TTC28: variants seen among roughly 807,000 people sequenced by gnomAD.
The protein encoded by TTC28 is tetratricopeptide repeat domain 28.
A neutral mutation model predicts 198.0 loss-of-function variants in TTC28; 61 were observed. The ratio of observed to expected loss-of-function variants is 0.31; its 90% CI spans 0.25 to 0.38. The LOEUF (loss-of-function observed/expected upper bound fraction) is 0.38. Among genes scored for constraint, TTC28 ranks in the 10% least tolerant of loss-of-function variants. The probability of loss-of-function intolerance (pLI) is 1.00; values close to 1 mark genes in which losing one functional copy is unlikely to be tolerated. For synonymous variants in TTC28, 1,171 were observed against 1,297.8 expected (o/e 0.90, Z 2.10); for missense variants, 2,678 against 3,164.0 (o/e 0.85, Z 3.69).
chr22:28,419,140 A>G (rs1030740695), intron 2 of TTC28, among the ~76,000 whole-genome samples: 1 of 152,192 alleles, frequency 6.6e-6, no homozygotes, highest in Non-Finnish European at 1.5e-5. Flanking sequence ...AACCCCTATT[A>G]CATAAGGAAT....
At chr22:28,577,903 T>C (rs2050176235) in intron 2 of TTC28, among the ~76,000 whole-genome samples, 1 of 152,144 alleles carries the variant, frequency 6.6e-6, no homozygotes, top group African/African-American at 2.4e-5. Context: ...TGGTGTCTTG[T>C]TTTTTATCCA....
intron 5 of TTC28, among the ~76,000 whole-genome samples, chr22:28,191,722 G>C (rs1454365884): frequency 6.6e-6 from 1 of 152,220 alleles, no homozygotes; most frequent in Non-Finnish European, 1.5e-5. Context: ...CAAATTGCAA[G>C]GTGGAAGCGA....
intron 12 of TTC28, among the ~76,000 whole-genome samples, chr22:28,065,098 C>A (rs1057052629): frequency 6.6e-6 from 1 of 152,178 alleles, no homozygotes. Flanking sequence ...CCAGGCCACA[C>A]CCCTTGCATA....
intron 2 of TTC28, among the ~76,000 whole-genome samples, chr22:28,592,730 C>A (rs1272062934): frequency 6.6e-6 from 1 of 152,130 alleles, no homozygotes; most frequent in Non-Finnish European, 1.5e-5. Context: ...CCTTCATTGG[C>A]TTTTAGGACA....
intron 2 of TTC28, among the ~76,000 whole-genome samples, chr22:28,548,029 T>A (rs922211021): frequency 9.2e-5 from 14 of 152,108 alleles, no homozygotes; most frequent in Non-Finnish European, 2.9e-5. Context: ...TTATGTCACA[T>A]AATTCAAATG....
intron 2 of TTC28, among the ~76,000 whole-genome samples, chr22:28,341,653 G>A (rs138792724): frequency 5.1e-4 from 77 of 152,060 alleles, no homozygotes; most frequent in Non-Finnish European, 7.9e-4. Context: ...TTAGCGGGGC[G>A]TGGTGGCATG....
intron 14 of TTC28, among the ~76,000 whole-genome samples, chr22:28,011,569 C>T (rs1938168028): frequency 6.6e-6 from 1 of 152,082 alleles, no homozygotes; most frequent in South Asian, 2.1e-4. Context: ...TGCATTCAAG[C>T]CTGGGGACAG....
chr22:28,397,707 T>C (rs2046839479), intron 2 of TTC28, among the ~76,000 whole-genome samples: 1 of 152,150 alleles, frequency 6.6e-6, no homozygotes, highest in Admixed American at 6.5e-5. Flanking sequence ...GCCACAAACA[T>C]GAAAAGCTAA....
At chr22:28,491,338 G>A (rs888988033) in intron 2 of TTC28, among the ~76,000 whole-genome samples, 10 of 152,002 alleles carry the variant, frequency 6.6e-5, no homozygotes, top group Non-Finnish European at 1.0e-4. Flanking sequence ...CAGAATGGGA[G>A]AAAATTTTTG....
intron 2 of TTC28, among the ~76,000 whole-genome samples, chr22:28,333,602 T>C (rs1229633135): frequency 1.3e-5 from 2 of 152,154 alleles, no homozygotes; most frequent in Non-Finnish European, 2.9e-5. Flanking sequence ...GATCATTTTG[T>C]GTTTCTAACC....
At chr22:28,326,267 G>C (rs1419328047) in intron 2 of TTC28, among the ~76,000 whole-genome samples, 2 of 152,052 alleles carry the variant, frequency 1.3e-5, no homozygotes, top group Non-Finnish European at 2.9e-5. Context: ...ATTTGAAAAA[G>C]GCAAAAGTAT....
intron 2 of TTC28, among the ~76,000 whole-genome samples, chr22:28,605,314 A>T (rs936104971): frequency 1.3e-5 from 2 of 152,206 alleles, no homozygotes; most frequent in Non-Finnish European, 2.9e-5. Context: ...ACAATAGTAA[A>T]ATAAAAACTT....
intron 3 of TTC28, among the ~76,000 whole-genome samples, chr22:28,303,296 A>G (rs2045064944): frequency 1.3e-5 from 2 of 152,246 alleles, no homozygotes; most frequent in African/African-American, 2.4e-5. Context: ...TTGCTGAAAG[A>G]TTATCTTAAA....
In TTC28 at chr22:28,105,475, G is replaced by A. The variant is rs541985587; in HGVS notation, c.3111C>T (p.Gly1037=). ...TCAGGCCCAGGTTCCCATAGGCTCG[G>A]CCCTGGCACGTGGGGTTGTTGGTTT... ...AEETNNPTCQ[G]RAYGNLGLTY... is the part of the protein sequence containing the mutation. The change falls in exon 8 of 23, where the codon GGC becomes GGT. Residue 1037 remains glycine (G), a synonymous_variant. Transcript: ENST00000397906. 5.0e-5 allele frequency: 77 copies of A among 1,551,658 alleles called. No individual in the cohort carries two copies. In the South Asian group the frequency reaches 8.6e-4, roughly 17 times the overall value.
intron 17 of TTC28, among the ~76,000 whole-genome samples, chr22:27,994,922 G>C (rs1230165875): frequency 6.6e-6 from 1 of 152,132 alleles, no homozygotes; most frequent in Non-Finnish European, 1.5e-5. Flanking sequence ...CCAGATACAG[G>C]GTAACAGTGG....
intron 2 of TTC28, among the ~76,000 whole-genome samples, chr22:28,323,985 A>T (rs958926769): frequency 1.3e-5 from 2 of 152,130 alleles, no homozygotes; most frequent in Non-Finnish European, 2.9e-5. Flanking sequence ...TGAAGGAAAA[A>T]ATTTTTACAC....
At chr22:28,234,063 C>A (rs1239145298) in intron 5 of TTC28, among the ~76,000 whole-genome samples, 3 of 151,952 alleles carry the variant, frequency 2.0e-5, no homozygotes, top group Non-Finnish European at 2.9e-5. Flanking sequence ...CCTGCCACTA[C>A]GCCCGGCTAA....
chr22:28,551,198 G>A (rs1027030778), intron 2 of TTC28, among the ~76,000 whole-genome samples: 4 of 151,820 alleles, frequency 2.6e-5, no homozygotes, highest in African/African-American at 9.7e-5. Context: ...AGAATCTCGG[G>A]ACAGACCAAT....
In TTC28 at chr22:27,984,202, C is replaced by T. The variant is rs550098863; in HGVS notation, c.5816-351G>A. ...GCTCCTGGGGTGGGGGCCCTTTGCT[C>T]AGCTGGGGCATGTGAGCAGTCTGTG... On this transcript the variant is annotated intron_variant, in intron 22 of 22. Coordinates refer to ENST00000397906, the MANE Select transcript of TTC28 (RefSeq NM_001145418.2). Among the ~76,000 whole-genome samples the T allele has an allele frequency of 3.9e-5, 6 of 152,206 alleles. No individual in the cohort carries two copies. In the South Asian group the frequency reaches 1.2e-3, roughly 32 times the overall value.
Sources: allele counts gnomAD v4.1 joint callset (sites outside exome capture counted in the v4.1 genomes callset), GRCh38; gene constraint gnomAD v4.1.1; transcripts MANE v1.5; gene names NCBI Gene and HGNC (gene_info 2026-07-23, HGNC 2026-07-21).